The following ZNF536 variants were observed in gnomAD, a reference collection of about 807,000 sequenced individuals.
ZNF536 encodes the protein zinc finger protein 536.
Under a neutral mutation model 84.5 loss-of-function variants are expected in ZNF536, and 13 were observed. The ratio of observed to expected loss-of-function variants is 0.15; its 90% confidence interval spans 0.10 to 0.24. The LOEUF (loss-of-function observed/expected upper bound fraction) is 0.24, where lower values mean the gene tolerates loss of function less well. Among genes scored for constraint, ZNF536 ranks in the 10% least tolerant of loss-of-function variants. The pLI, the probability that ZNF536 is intolerant of heterozygous loss-of-function variation, is 1.00. For synonymous variants in ZNF536, 811 were observed against 742.5 expected, an observed-to-expected ratio of 1.09 and a Z score of -1.50; for missense variants, 1,536 against 1,747.5, an observed-to-expected ratio of 0.88 and a Z score of 2.16.
intron 1 of ZNF536, among the ~76,000 whole-genome samples, chr19:30,680,945 C>A (rs548303796): frequency 1.3e-3 from 196 of 152,308 alleles, no homozygotes; most frequent in African/African-American, 4.5e-3. Flanking sequence ...GATCACCATT[C>A]TAACTGGTGT....
At chr19:30,466,739 GGGAAGGAAGAAAGGAGGGAAGGAAGGAA>G (rs1464146419) in intron 2 of ZNF536, among the ~76,000 whole-genome samples, 11,716 of 122,544 alleles carry the variant, frequency 0.096, 925 homozygotes, top group African/African-American at 0.21. Flanking sequence ...GAGGGAGGGA[GGGAAGGAAGAAAGGAGGGAAGGAAGGAA>G]GGAAGGAAGG....
At chr19:30,488,566 A>T (rs1358424190) in intron 2 of ZNF536, among the ~76,000 whole-genome samples, 2 of 83,640 alleles carry the variant, frequency 2.4e-5, no homozygotes, top group Admixed American at 1.1e-4. Context: ...TTTTTTAATT[A>T]AAAAAAAAAA....
intron 3 of ZNF536, among the ~76,000 whole-genome samples, chr19:30,361,319 TC>T (rs1277807201): frequency 6.6e-6 from 1 of 152,236 alleles, no homozygotes; most frequent in Non-Finnish European, 1.5e-5. Context: ...TTCTTCTCTT[TC>T]CTTCCTTCTT....
chr19:30,513,038 TTTC>T (rs1437341454), intron 2 of ZNF536, among the ~76,000 whole-genome samples: 2 of 152,242 alleles, frequency 1.3e-5, no homozygotes, highest in Non-Finnish European at 2.9e-5. Flanking sequence ...TTTATTTTTT[TTTC>T]TTTTCTTTCA....
chr19:30,573,915 C>T (rs1599853689), intron 1 of ZNF536, among the ~76,000 whole-genome samples: 1 of 152,194 alleles, frequency 6.6e-6, no homozygotes, highest in African/African-American at 2.4e-5. Flanking sequence ...AGTGGTGGTG[C>T]CACCCAAGGT....
intron 1 of ZNF536, among the ~76,000 whole-genome samples, chr19:30,642,361 G>A (rs1053399757): frequency 2.0e-5 from 3 of 152,190 alleles, no homozygotes; most frequent in African/African-American, 7.2e-5. Flanking sequence ...TTGCAGGAAA[G>A]TTCTTCTAGT....
Position 30,228,935 on chromosome 19 carries a change from C to G in ZNF536, c.-190+262C>G, listed in dbSNP as rs895026267. Among the ~76,000 whole-genome samples the G allele has an allele frequency of 6.6e-6, 1 of 150,522 alleles. No individual in the cohort carries two copies. The highest frequency in any genetic ancestry group is 1.5e-5 in the Non-Finnish European group (1 of 67,700). On this transcript the variant is annotated intron_variant, in intron 1 of 5. Coordinates refer to the ZNF536 transcript ENST00000585628. The surrounding 1 kb of genome is among the most constrained non-coding windows in gnomAD (Gnocchi z 4.5). The stretch of plus-strand genomic sequence containing the variant: ...TGTACCTGTGGCGAGACTCGGGAGG[C>G]GATCTTGGGGGGCGCGCGGTCGCAG...
At chr19:30,273,875 G>A (rs1057365477) in intron 1 of ZNF536, among the ~76,000 whole-genome samples, 6 of 152,148 alleles carry the variant, frequency 3.9e-5, no homozygotes, top group Admixed American at 2.6e-4. Context: ...ACATATACAT[G>A]TACACATGTG....
chr19:30,680,054 G>A (rs1036874580), intron 1 of ZNF536, among the ~76,000 whole-genome samples: 1 of 152,056 alleles, frequency 6.6e-6, no homozygotes, highest in Non-Finnish European at 1.5e-5. Flanking sequence ...AGGTTGGGGT[G>A]TGTGCTGTGC....
chr19:30,606,214 A>AT (rs1355721198), intron 1 of ZNF536, among the ~76,000 whole-genome samples: 1,789 of 136,118 alleles, frequency 0.013, 80 homozygotes, highest in Admixed American at 0.06. Flanking sequence ...AAATAAAATA[A>AT]AATATAAAAT....
chr19:30,262,092 C>T (rs555994365), intron 1 of ZNF536, among the ~76,000 whole-genome samples: 23 of 152,210 alleles, frequency 1.5e-4, no homozygotes, highest in Non-Finnish European at 2.9e-5. Context: ...TTCAGAAATA[C>T]GGGTTTGGTT....
intron 2 of ZNF536, among the ~76,000 whole-genome samples, chr19:30,499,255 A>G (rs532873723): frequency 6.8e-6 from 1 of 146,698 alleles, no homozygotes; most frequent in South Asian, 2.1e-4. Context: ...TGTTCAGATA[A>G]AAGAAGTATT....
chr19:30,531,810 T>C (rs2044836805), intron 2 of ZNF536, among the ~76,000 whole-genome samples: 1 of 152,042 alleles, frequency 6.6e-6, no homozygotes, highest in Non-Finnish European at 1.5e-5. Flanking sequence ...TTTTTAGTTT[T>C]GCCATGGTTT....
chr19:30,366,590 A>G (rs1037327732), intron 3 of ZNF536, among the ~76,000 whole-genome samples: 2 of 119,050 alleles, frequency 1.7e-5, no homozygotes, highest in African/African-American at 2.9e-5. Flanking sequence ...TTGTCTATCT[A>G]TCTATCTATC....
At chr19:30,355,246 G>A (rs917107089) in intron 3 of ZNF536, among the ~76,000 whole-genome samples, 8 of 152,110 alleles carry the variant, frequency 5.3e-5, no homozygotes, top group African/African-American at 1.9e-4. Context: ...CAGGGTGAGA[G>A]AGGCGGCGAG....
Position 30,240,946 on chromosome 19 carries a change from G to A in ZNF536, c.-190+12273G>A, listed in dbSNP as rs556749723. Among the ~76,000 whole-genome samples the A allele has an allele frequency of 2.7e-4, 41 of 152,300 alleles. 1 individual carries two copies. The South Asian group carries it at 5.0e-3, about 19-fold the overall frequency. ...GATTTGGAACTGTTTGGGGTCCTGG[G>A]GACATAACAGTGAACAAACCGATTC... On this transcript the variant is annotated intron_variant, in intron 1 of 5. Transcript: ENST00000585628.
At chr19:30,262,505 G>T (rs1425271221) in intron 1 of ZNF536, among the ~76,000 whole-genome samples, 4 of 152,248 alleles carry the variant, frequency 2.6e-5, no homozygotes, top group African/African-American at 9.6e-5. Flanking sequence ...CAGATGGGCA[G>T]CAAGGCAGTC....
At chr19:30,710,174 T>C (rs36102825) in intron 1 of ZNF536, among the ~76,000 whole-genome samples, 47,303 of 152,084 alleles carry the variant, frequency 0.31, 7,569 homozygotes, top group East Asian at 0.43. Context: ...GGACTATTTA[T>C]TATTTAACCC....
At chr19:30,591,397 G>T (rs912058667) in intron 1 of ZNF536, among the ~76,000 whole-genome samples, 1 of 152,174 alleles carries the variant, frequency 6.6e-6, no homozygotes, top group East Asian at 1.9e-4. Flanking sequence ...TCACAATCAT[G>T]GCAGAAGGCA....
Sources: gnomAD v4.1 joint callset for allele counts (sites outside exome capture counted in the v4.1 genomes callset) on GRCh38, gnomAD v4.1.1 for gene constraint, Gnocchi (gnomAD v3.1) non-coding constraint, MANE v1.5 for transcripts, NCBI Gene and HGNC (gene_info 2026-07-23, HGNC 2026-07-21) for gene names.